Variants in ROBO2 observed in about 807,000 individuals in gnomAD.
ROBO2 encodes the protein roundabout guidance receptor 2.
Under a neutral mutation model 160.8 loss-of-function variants are expected in ROBO2, and 53 were observed. The ratio of observed to expected loss-of-function variants is 0.33; its 90% CI spans 0.26 to 0.41. The LOEUF (loss-of-function observed/expected upper bound fraction) is 0.41, where lower values mean the gene tolerates loss of function less well. Among genes scored for constraint, ROBO2 ranks in the 10% least tolerant of loss-of-function variants. ROBO2 has a pLI of 1.00. For synonymous variants in ROBO2, 664 were observed against 611.7 expected, an observed-to-expected ratio of 1.09 and a Z score of -1.26; for missense variants, 1,577 against 1,722.4, an observed-to-expected ratio of 0.92 and a Z score of 1.49.
rs543457383 is a variant in ROBO2 at position 77,031,811 on chromosome 3, CCTGT to C, written c.110-66200_110-66197del. On this transcript the variant is annotated intron_variant, in intron 2 of 26. Transcript: ENST00000487694. ...TTAGGCAGAAATGTATAAAAATGCTCCTGTCTTAGTCCATTCAGGCTGCTATAAC... is the reference window on the plus strand; with the variant it reads ...TTAGGCAGAAATGTATAAAAATGCTCCTTAGTCCATTCAGGCTGCTATAAC... Among the ~76,000 whole-genome samples, 13 of 151,194 alleles carry C rather than the reference CCTGT, an allele frequency of 8.6e-5. No homozygotes were observed. The South Asian group carries it at 2.5e-3, about 29-fold the overall frequency.
intron 1 of ROBO2, among the ~76,000 whole-genome samples, chr3:75,929,405 G>A (rs537343657): frequency 2.8e-4 from 42 of 152,148 alleles, no homozygotes; most frequent in African/African-American, 7.5e-4. Flanking sequence ...CAAAATTCAC[G>A]TTTGCTAAGT....
chr3:77,261,449 CAT>C (rs2058766471), intron 2 of ROBO2, among the ~76,000 whole-genome samples: 1 of 152,134 alleles, frequency 6.6e-6, no homozygotes, highest in Non-Finnish European at 1.5e-5. Flanking sequence ...AAAAAGAAGA[CAT>C]ATTGTTATAA....
chr3:77,065,440 C>T (rs1222656945), intron 1 of ROBO2, among the ~76,000 whole-genome samples: 2 of 151,992 alleles, frequency 1.3e-5, no homozygotes, highest in African/African-American at 4.8e-5. Context: ...TTTTTTGTAT[C>T]TAAACCCAAT....
chr3:76,027,341 G>A (rs943384805), intron 2 of ROBO2, among the ~76,000 whole-genome samples: 2 of 151,834 alleles, frequency 1.3e-5, no homozygotes, highest in Admixed American at 6.6e-5. Context: ...TAACATTTCT[G>A]GTGGACAGAA....
At chr3:76,525,746 A>G (rs2081914718) in intron 2 of ROBO2, among the ~76,000 whole-genome samples, 1 of 152,026 alleles carries the variant, frequency 6.6e-6, no homozygotes, top group Non-Finnish European at 1.5e-5. Context: ...CTTCATAGTC[A>G]TAGTATAATT....
intron 2 of ROBO2, among the ~76,000 whole-genome samples, chr3:76,537,402 G>A (rs2082567046): frequency 6.6e-6 from 1 of 152,046 alleles, no homozygotes; most frequent in Admixed American, 6.5e-5. Context: ...AAAATAAGAC[G>A]TTTGGGTTTA....
At chr3:75,941,849 C>T (rs1249482432) in intron 2 of ROBO2, among the ~76,000 whole-genome samples, 3 of 152,220 alleles carry the variant, frequency 2.0e-5, no homozygotes, top group African/African-American at 7.2e-5. Context: ...GGAATCATTA[C>T]AAGTAATTAT....
chr3:76,346,563 C>A lies in ROBO2; in HGVS notation c.109+408961C>A, dbSNP rs529971171. Among the ~76,000 whole-genome samples the A allele has an allele frequency of 1.8e-4, 27 of 152,138 alleles. No homozygotes were observed. The South Asian group carries it at 2.5e-3, about 14-fold the overall frequency. On this transcript the variant is annotated intron_variant, in intron 2 of 26. Transcript: ENST00000487694. ...TGTAGTCTACAGTTGCATAATATAGCAGTTAGAAATGTGGGCAATGTCTAT... is the reference window on the plus strand; with the variant it reads ...TGTAGTCTACAGTTGCATAATATAGAAGTTAGAAATGTGGGCAATGTCTAT...
intron 2 of ROBO2, among the ~76,000 whole-genome samples, chr3:76,164,663 T>A (rs1403412294): frequency 6.6e-6 from 1 of 152,188 alleles, no homozygotes; most frequent in Non-Finnish European, 1.5e-5. Flanking sequence ...AGAGTGGGGT[T>A]AAAATATTCA....
chr3:76,356,148 A>T (rs572677228), intron 2 of ROBO2, among the ~76,000 whole-genome samples: 2 of 151,748 alleles, frequency 1.3e-5, no homozygotes, highest in African/African-American at 4.8e-5. Context: ...TTGGTTATAT[A>T]TTGCTTTTGA....
chr3:77,351,427 G>A (rs1462618967), intron 2 of ROBO2, among the ~76,000 whole-genome samples: 1 of 152,094 alleles, frequency 6.6e-6, no homozygotes, highest in African/African-American at 2.4e-5. Context: ...ATGTTGGGCA[G>A]GAAACAAATT....
chr3:76,754,873 A>G (rs979902752), intron 2 of ROBO2, among the ~76,000 whole-genome samples: 1 of 151,924 alleles, frequency 6.6e-6, no homozygotes, highest in Non-Finnish European at 1.5e-5. Context: ...GGAATTTTAA[A>G]ATCTAATGAA....
intron 6 of ROBO2, among the ~76,000 whole-genome samples, chr3:77,524,071 T>C (rs887379597): frequency 1.3e-5 from 2 of 151,280 alleles, no homozygotes; most frequent in Admixed American, 6.6e-5. Context: ...CAGGTTATTA[T>C]TAGGAGACAG....
Position 76,785,163 on chromosome 3 carries a change from T to C in ROBO2, c.110-312851T>C, listed in dbSNP as rs991566984. On this transcript the variant is annotated intron_variant, in intron 2 of 26. Coordinates refer to the ROBO2 transcript ENST00000487694. ...TATGGGCCTTGATACATTGTAAAAC[T>C]CTCTATTACTGACATTACAGATCTT... 3.3e-5 allele frequency among the ~76,000 whole-genome samples: 5 copies of C among 151,256 alleles called. 1 individual carries two copies. Among genetic ancestry groups the C allele is most frequent in the Admixed American group, 1.3e-4 (2 of 15,120 alleles).
chr3:76,934,524 C>T (rs1054420695), intron 2 of ROBO2, among the ~76,000 whole-genome samples: 2 of 152,112 alleles, frequency 1.3e-5, no homozygotes, highest in Non-Finnish European at 2.9e-5. Flanking sequence ...GGCCGGATCA[C>T]GAGGTCAAGA....
chr3:76,375,319 A>G (rs912172385), intron 2 of ROBO2, among the ~76,000 whole-genome samples: 2 of 151,956 alleles, frequency 1.3e-5, no homozygotes, highest in Non-Finnish European at 2.9e-5. Context: ...ACCAGGAAAA[A>G]TGGCTTTAAG....
chr3:77,503,515 G>C (rs938182969), intron 5 of ROBO2, among the ~76,000 whole-genome samples: 4 of 148,734 alleles, frequency 2.7e-5, no homozygotes, highest in Admixed American at 6.8e-5. Context: ...CAGAGAGAGA[G>C]TCCGTCTCTA....
chr3:77,560,147 G>C (rs765490287), intron 9 of ROBO2, among the ~76,000 whole-genome samples: 1 of 152,046 alleles, frequency 6.6e-6, no homozygotes, highest in Non-Finnish European at 1.5e-5. Context: ...GTGGGTGCTT[G>C]ATGATGTCAA....
At chr3:76,951,280 C>T (rs191514728) in intron 2 of ROBO2, among the ~76,000 whole-genome samples, 2 of 152,340 alleles carry the variant, frequency 1.3e-5, no homozygotes. Flanking sequence ...CTTTCCAACA[C>T]ATTTGTACTC....
Sources: allele counts gnomAD v4.1 joint callset (sites outside exome capture counted in the v4.1 genomes callset), GRCh38; gene constraint gnomAD v4.1.1; transcripts MANE v1.5; gene names NCBI Gene and HGNC (gene_info 2026-07-23, HGNC 2026-07-21).